The following KCNK10 variants were observed in gnomAD, a reference collection of about 807,000 sequenced individuals.
The protein encoded by KCNK10 is potassium channel subfamily K member 10.
A neutral mutation model predicts 47.7 loss-of-function variants in KCNK10; 25 were observed. That is an observed-to-expected ratio of 0.52 (90% CI 0.38 to 0.73). The LOEUF (loss-of-function observed/expected upper bound fraction) is 0.73, where lower values mean the gene tolerates loss of function less well. Among genes scored for constraint, KCNK10 ranks in the 30% least tolerant of loss-of-function variants. The pLI is 0.00. For missense variants in KCNK10, 563 were observed against 714.5 expected (o/e 0.79, Z 2.42); for synonymous variants, 303 against 285.6 (o/e 1.06, Z -0.61).
chr14:88,261,210 A>T (rs1395999195), intron 2 of KCNK10, among the ~76,000 whole-genome samples: 1 of 152,222 alleles, frequency 6.6e-6, no homozygotes, highest in African/African-American at 2.4e-5. Context: ...CTTACTGCCT[A>T]ATGAAGGAAA....
chr14:88,264,139 A>G (rs1887193053), intron 1 of KCNK10, among the ~76,000 whole-genome samples: 2 of 152,254 alleles, frequency 1.3e-5, no homozygotes, highest in South Asian at 4.1e-4. Context: ...TACTAGTAAT[A>G]GAATTTTTCT....
intron 1 of KCNK10, among the ~76,000 whole-genome samples, chr14:88,314,418 A>G (rs1405716136): frequency 6.6e-6 from 1 of 152,132 alleles, no homozygotes; most frequent in Non-Finnish European, 1.5e-5. Flanking sequence ...TGAGAAATAA[A>G]TTTCTGTTGT....
intron 3 of KCNK10, among the ~76,000 whole-genome samples, chr14:88,229,182 G>A (rs914416314): frequency 5.9e-5 from 9 of 152,168 alleles, no homozygotes; most frequent in African/African-American, 2.2e-4. Flanking sequence ...GCAAACAAGT[G>A]GAGGCTTGGA....
intron 5 of KCNK10, among the ~76,000 whole-genome samples, chr14:88,189,642 G>A (rs963172612): frequency 5.3e-5 from 8 of 152,196 alleles, no homozygotes; most frequent in South Asian, 2.1e-4. Flanking sequence ...ACAGAGTTGC[G>A]AAATATTGTA....
chr14:88,298,411 A>G (rs1352404908), intron 1 of KCNK10, among the ~76,000 whole-genome samples: 1 of 152,008 alleles, frequency 6.6e-6, no homozygotes. Context: ...TCCCCTCCTC[A>G]TCCATCACCT....
In KCNK10 at chr14:88,227,242, A is replaced by C. The variant is rs143468582; in HGVS notation, c.681+133T>G. The C allele has an allele frequency of 9.6e-5, 72 of 750,664 alleles. No homozygotes were observed. In the East Asian group the frequency reaches 2.0e-3, roughly 20 times the overall value. The allele number at this position is 750,664 out of a possible 1,614,324, so 46.5% of individuals were successfully genotyped here. A position where few individuals can be genotyped will look rare whatever the true frequency, so the allele number is the denominator to read the frequency against. The stretch of plus-strand genomic sequence containing the variant: ...ATGTTTGACTTCCATTGGCCAAAAC[A>C]GAAAATACAATCATAACATTAAAAT... On this transcript the variant is annotated intron_variant, in intron 4 of 6. Transcript: ENST00000319231.
At chr14:88,208,581 A>G (rs1018611190) in intron 4 of KCNK10, among the ~76,000 whole-genome samples, 4 of 152,198 alleles carry the variant, frequency 2.6e-5, no homozygotes, top group African/African-American at 9.6e-5. Context: ...ACCATATGGC[A>G]TTTACATGTC....
upstream of KCNK10, among the ~76,000 whole-genome samples, chr14:88,326,186 C>A (rs865974012): frequency 3.8e-5 from 5 of 131,748 alleles, no homozygotes; most frequent in African/African-American, 1.5e-4. Context: ...TACCCGCCCC[C>A]CCCCAAAAAA....
At chr14:88,297,633 A>C (rs1888013053) in intron 1 of KCNK10, among the ~76,000 whole-genome samples, 1 of 152,164 alleles carries the variant, frequency 6.6e-6, no homozygotes, top group African/African-American at 2.4e-5. Flanking sequence ...AACCAATCCC[A>C]GTGATGATGG....
chr14:88,315,618 C>A (rs758052942), intron 1 of KCNK10, among the ~76,000 whole-genome samples: 6 of 152,062 alleles, frequency 3.9e-5, no homozygotes, highest in African/African-American at 7.2e-5. Flanking sequence ...ACATAAGAAA[C>A]TCATTTTCTT....
Position 88,300,553 on chromosome 14 carries a change from T to C in KCNK10, c.52+22194A>G, listed in dbSNP as rs868374660. Among the ~76,000 whole-genome samples the C allele has an allele frequency of 3.9e-5, 6 of 152,296 alleles. 1 individual carries two copies. In the Middle Eastern group the frequency reaches 0.017, roughly 432 times the overall value. On this transcript the variant is annotated intron_variant, in intron 1 of 6. Transcript: ENST00000319231. ...ATGCCAGAAAACATTTAACACTGGG[T>C]TCTCTCCTAGCTTGTCAAACATGAA...
intron 1 of KCNK10, among the ~76,000 whole-genome samples, chr14:88,304,538 T>C (rs1481027790): frequency 6.6e-6 from 1 of 152,240 alleles, no homozygotes; most frequent in Non-Finnish European, 1.5e-5. Context: ...AGTCACCCGA[T>C]GCACATGTCC....
intron 2 of KCNK10, among the ~76,000 whole-genome samples, chr14:88,251,273 C>T (rs970776575): frequency 6.6e-6 from 1 of 150,952 alleles, no homozygotes; most frequent in African/African-American, 2.4e-5. Flanking sequence ...CAAAAAGCAC[C>T]ATTCCTTCAT....
At chr14:88,258,165 T>A (rs1887011126) in intron 2 of KCNK10, among the ~76,000 whole-genome samples, 2 of 152,292 alleles carry the variant, frequency 1.3e-5, no homozygotes, top group Middle Eastern at 3.4e-3. Flanking sequence ...TTTGTGAGCA[T>A]TTACCGTGTG....
intron 4 of KCNK10, among the ~76,000 whole-genome samples, chr14:88,225,846 C>G (rs562958641): frequency 9.9e-5 from 15 of 152,202 alleles, no homozygotes; most frequent in Non-Finnish European, 1.9e-4. Context: ...GCTGCTATGT[C>G]TGGTTTAGGA....
chr14:88,272,025 A>G (rs1887418031), intron 1 of KCNK10, among the ~76,000 whole-genome samples: 1 of 151,914 alleles, frequency 6.6e-6, no homozygotes, highest in Admixed American at 6.6e-5. Context: ...TTGGACTTCA[A>G]CAGCCACCCA....
chr14:88,260,232 C>A lies in KCNK10; in HGVS notation c.402+2970G>T, dbSNP rs144436360. Reference sequence around the variant, plus strand: ...TGCTGGGATTACAGGTGTAAGCCACCGCGCCAGGCCAAGATATGGTTGTTT... The same window carrying A: ...TGCTGGGATTACAGGTGTAAGCCACAGCGCCAGGCCAAGATATGGTTGTTT... On this transcript the variant is annotated intron_variant, in intron 2 of 6. Transcript: ENST00000319231. This position sits in a 1 kb window ranked among gnomAD's most constrained non-coding sequence, Gnocchi z 4.5. Among the ~76,000 whole-genome samples the A allele has an allele frequency of 3.3e-5, 5 of 152,102 alleles. No homozygotes were observed. The highest frequency in any genetic ancestry group is 4.4e-5 in the Non-Finnish European group (3 of 68,022).
At chr14:88,301,049 A>G (rs1363053712) in intron 1 of KCNK10, among the ~76,000 whole-genome samples, 1 of 152,158 alleles carries the variant, frequency 6.6e-6, no homozygotes, top group African/African-American at 2.4e-5. Context: ...AAATTTATTT[A>G]CTCACATAGC....
intron 1 of KCNK10, among the ~76,000 whole-genome samples, chr14:88,306,944 T>A (rs938726216): frequency 2.0e-5 from 3 of 151,968 alleles, no homozygotes; most frequent in Admixed American, 2.0e-4. Flanking sequence ...TGAAACCATA[T>A]CCCCCTCAAG....
Sources: gnomAD v4.1 joint callset for allele counts (sites outside exome capture counted in the v4.1 genomes callset) on GRCh38, gnomAD v4.1.1 for gene constraint, Gnocchi (gnomAD v3.1) non-coding constraint, MANE v1.5 for transcripts, NCBI Gene and HGNC (gene_info 2026-07-23, HGNC 2026-07-21) for gene names.